The following NRXN3 variants were observed in gnomAD, a reference collection of about 807,000 sequenced individuals.
NRXN3 encodes the protein neurexin 3.
NRXN3 carries 32 observed loss-of-function variants against 137.6 expected under a neutral mutation model. That is an observed-to-expected ratio of 0.23 (90% CI 0.18 to 0.31). NRXN3 has a LOEUF of 0.31. NRXN3 is among the 10% of genes least tolerant of loss of function. The pLI, the probability that NRXN3 is intolerant of heterozygous loss-of-function variation, is 1.00. For synonymous variants in NRXN3, 798 were observed against 784.5 expected, an observed-to-expected ratio of 1.02 and a Z score of -0.29; for missense variants, 1,574 against 2,062.5, an observed-to-expected ratio of 0.76 and a Z score of 4.59.
intron 4 of NRXN3, among the ~76,000 whole-genome samples, chr14:78,537,621 C>T (rs2096549120): frequency 6.6e-6 from 1 of 152,106 alleles, no homozygotes; most frequent in African/African-American, 2.4e-5. Context: ...TAATTAGATC[C>T]CATTTGCCTA....
At chr14:79,190,755 A>G (rs1306400216) in intron 15 of NRXN3, among the ~76,000 whole-genome samples, 2 of 152,180 alleles carry the variant, frequency 1.3e-5, no homozygotes, top group Non-Finnish European at 2.9e-5. Flanking sequence ...GGGAAAAGGG[A>G]AACTTGATCT....
intron 19 of NRXN3, among the ~76,000 whole-genome samples, chr14:79,769,999 A>G (rs2099071409): frequency 6.6e-6 from 1 of 152,122 alleles, no homozygotes; most frequent in Non-Finnish European, 1.5e-5. Flanking sequence ...AGAGACTTTA[A>G]ACCAACAAAG....
intron 6 of NRXN3, among the ~76,000 whole-genome samples, chr14:78,692,649 C>G (rs954131952): frequency 2.0e-5 from 3 of 152,186 alleles, no homozygotes; most frequent in Non-Finnish European, 4.4e-5. Context: ...GAGTTTAAAT[C>G]TTGCCTCTGC....
intron 4 of NRXN3, among the ~76,000 whole-genome samples, chr14:78,640,622 T>C (rs943710437): frequency 2.6e-5 from 4 of 152,230 alleles, no homozygotes; most frequent in African/African-American, 9.6e-5. Context: ...ATTAAGTAAA[T>C]GCTTATTAAT....
At chr14:78,388,420 TTC>T (rs2090294370) in intron 4 of NRXN3, among the ~76,000 whole-genome samples, 1 of 152,160 alleles carries the variant, frequency 6.6e-6, no homozygotes, top group Non-Finnish European at 1.5e-5. Flanking sequence ...GAAGAGAAAG[TTC>T]TGTTAAGAAA....
intron 8 of NRXN3, among the ~76,000 whole-genome samples, chr14:78,731,836 T>C (rs570545519): frequency 1.3e-5 from 2 of 152,110 alleles, no homozygotes; most frequent in Non-Finnish European, 2.9e-5. Context: ...ATAATTTCAA[T>C]TCAGTGTTAT....
chr14:78,356,648 A>G (rs2084349268), intron 4 of NRXN3, among the ~76,000 whole-genome samples: 1 of 152,208 alleles, frequency 6.6e-6, no homozygotes, highest in African/African-American at 2.4e-5. Context: ...CAGCTGCAGA[A>G]CCCAGGGCCT....
At chr14:79,320,350 T>C (rs2089765207) in intron 15 of NRXN3, among the ~76,000 whole-genome samples, 1 of 152,222 alleles carries the variant, frequency 6.6e-6, no homozygotes, top group Admixed American at 6.5e-5. Context: ...TATTTACTTT[T>C]CCTACAGTTT....
At chr14:79,077,761 T>C (rs916404392) in intron 15 of NRXN3, among the ~76,000 whole-genome samples, 2 of 152,322 alleles carry the variant, frequency 1.3e-5, no homozygotes, top group Admixed American at 6.5e-5. Flanking sequence ...CATAAATTAT[T>C]ATTATATCAG....
intron 6 of NRXN3, among the ~76,000 whole-genome samples, chr14:78,697,579 G>A (rs965232815): frequency 3.3e-5 from 5 of 151,942 alleles, no homozygotes; most frequent in African/African-American, 1.2e-4. Flanking sequence ...CTAGGTCTCT[G>A]CAGATTTACT....
intron 4 of NRXN3, among the ~76,000 whole-genome samples, chr14:78,630,681 G>A (rs1601617627): frequency 6.7e-6 from 1 of 149,884 alleles, no homozygotes; most frequent in Admixed American, 6.7e-5. Flanking sequence ...CTTGGCTCAC[G>A]GCAAGCTCCG....
chr14:79,828,278 G>A (rs925540384), intron 20 of NRXN3, among the ~76,000 whole-genome samples: 6 of 152,092 alleles, frequency 3.9e-5, no homozygotes, highest in African/African-American at 1.4e-4. Flanking sequence ...GAAAAATGGA[G>A]ATTTAGTGAG....
At chr14:78,241,424 A>C (rs2067068134) in intron 1 of NRXN3, among the ~76,000 whole-genome samples, 1 of 152,136 alleles carries the variant, frequency 6.6e-6, no homozygotes, top group East Asian at 1.9e-4. Context: ...GTTTGAGACC[A>C]GCCTGGGCAA....
At chr14:79,031,593 A>G (rs1235993040) in intron 15 of NRXN3, among the ~76,000 whole-genome samples, 1 of 152,268 alleles carries the variant, frequency 6.6e-6, no homozygotes, top group Admixed American at 6.5e-5. Flanking sequence ...TTTTTGGAAG[A>G]AAGTGAGAAT....
chr14:79,467,465 G>A (rs987385388), intron 16 of NRXN3, 63 bp downstream of exon 16: 1 of 1,431,710 alleles, frequency 7.0e-7, no homozygotes, highest in South Asian at 1.3e-5. Context: ...AGTGATTCAG[G>A]TAGACGCAGC....
At chr14:78,992,929 A>G (rs958649467) in intron 15 of NRXN3, among the ~76,000 whole-genome samples, 3 of 152,168 alleles carry the variant, frequency 2.0e-5, no homozygotes, top group African/African-American at 7.2e-5. Flanking sequence ...AGTAAAGGGA[A>G]TGAACGTGGG....
At chr14:78,247,132 G>GC (rs2067811100) in intron 2 of NRXN3, among the ~76,000 whole-genome samples, 1 of 152,144 alleles carries the variant, frequency 6.6e-6, no homozygotes, top group African/African-American at 2.4e-5. Flanking sequence ...ATTATCTCCA[G>GC]CCCCCCTGCG....
At chr14:79,643,289 CT>C (rs1202337147) in intron 16 of NRXN3, among the ~76,000 whole-genome samples, 1 of 135,782 alleles carries the variant, frequency 7.4e-6, no homozygotes, top group Non-Finnish European at 1.7e-5. Flanking sequence ...ACTATTCCTC[CT>C]GTCTTCCTGT....
At chr14:79,161,451 T>C (rs2060761469) in intron 15 of NRXN3, among the ~76,000 whole-genome samples, 1 of 152,086 alleles carries the variant, frequency 6.6e-6, no homozygotes, top group East Asian at 1.9e-4. Flanking sequence ...CATTCTCCAA[T>C]GCAGATCACT....
Sources: gnomAD v4.1 joint callset for allele counts (sites outside exome capture counted in the v4.1 genomes callset) on GRCh38, gnomAD v4.1.1 for gene constraint, MANE v1.5 for transcripts, NCBI Gene and HGNC (gene_info 2026-07-23, HGNC 2026-07-21) for gene names.